KANSL1L: variants seen among roughly 807,000 people sequenced by gnomAD.
KANSL1L encodes KAT8 regulatory NSL complex subunit 1 like, also known as KAT8 regulatory NSL complex subunit 1-like protein.
KANSL1L carries 25 observed loss-of-function variants against 108.6 expected under a neutral mutation model. That is an observed-to-expected ratio of 0.23 (90% CI 0.17 to 0.32). KANSL1L has a LOEUF of 0.32. KANSL1L is among the 10% of genes least tolerant of loss of function. The pLI is 1.00. For synonymous variants in KANSL1L, 405 were observed against 395.1 expected, an observed-to-expected ratio of 1.03 and a Z score of -0.30; for missense variants, 1,137 against 1,125.7, an observed-to-expected ratio of 1.01 and a Z score of -0.14.
At chr2:210,083,914 A>G (rs960515950) in intron 5 of KANSL1L, among the ~76,000 whole-genome samples, 6 of 152,004 alleles carry the variant, frequency 3.9e-5, no homozygotes, top group Non-Finnish European at 7.4e-5. Context: ...CCAATTGGCA[A>G]AAGTAAATAC....
intron 5 of KANSL1L, among the ~76,000 whole-genome samples, 167 bp from the exon 6 acceptor site, chr2:210,075,923 G>A (rs765036963): frequency 2.4e-4 from 36 of 152,096 alleles, no homozygotes; most frequent in Non-Finnish European, 3.8e-4. Flanking sequence ...TTGTATTAAC[G>A]GGAAATTACA....
At chr2:210,037,279 T>C (rs2094116416) in intron 8 of KANSL1L, among the ~76,000 whole-genome samples, 1 of 152,180 alleles carries the variant, frequency 6.6e-6, no homozygotes, top group Non-Finnish European at 1.5e-5. Context: ...ATTCCGTGAT[T>C]AGAAACAATG....
In KANSL1L at chr2:210,054,702, GAAGTTCTAGCCACAGC is replaced by G. The variant is rs1226030089; in HGVS notation, c.1756-10614_1756-10599del. ...GGTACTGATATTCAACATTGCACTAGAAGTTCTAGCCACAGCAATTAGGCAAGAAAAAGAAATAAAA... is the reference window on the plus strand; with the variant it reads ...GGTACTGATATTCAACATTGCACTAGAATTAGGCAAGAAAAAGAAATAAAA... On this transcript the variant is annotated intron_variant, in intron 6 of 14. Transcript: ENST00000281772. Among the ~76,000 whole-genome samples, 3 of 150,880 alleles carry G rather than the reference GAAGTTCTAGCCACAGC, an allele frequency of 2.0e-5. No individual in the cohort carries two copies. In the Admixed American group the frequency reaches 2.0e-4, roughly 10 times the overall value.
rs144118807 is a variant in KANSL1L at position 210,148,413 on chromosome 2, T to C, written c.1088+5082A>G. 1.2e-3 allele frequency among the ~76,000 whole-genome samples: 179 copies of C among 152,294 alleles called. 1 individual carries two copies. The highest frequency in any genetic ancestry group is 0.011 in the East Asian group (59 of 5,186). On this transcript the variant is annotated intron_variant, in intron 2 of 14. Transcript: ENST00000281772. ...ACTGTAGCCAACTTTTGTCAGCGAC[T>C]CACCCACATCCCCTCACATTTAACC...
intron 6 of KANSL1L, among the ~76,000 whole-genome samples, chr2:210,052,175 T>A (rs2094300709): frequency 6.6e-6 from 1 of 152,082 alleles, no homozygotes; most frequent in Non-Finnish European, 1.5e-5. Context: ...GGATCATTTT[T>A]AAATTTTCTG....
intron 6 of KANSL1L, among the ~76,000 whole-genome samples, chr2:210,059,137 C>CAAA (rs71043969): frequency 2.1e-4 from 15 of 71,826 alleles, no homozygotes; most frequent in African/African-American, 3.6e-4. Flanking sequence ...GACTCCGTCT[C>CAAA]AAAAAAAAAA....
chr2:210,169,534 G>A (rs532461558), intron 1 of KANSL1L, among the ~76,000 whole-genome samples: 3 of 152,082 alleles, frequency 2.0e-5, no homozygotes, highest in African/African-American at 7.2e-5. Flanking sequence ...ATAATAATAA[G>A]ATTTAACAAA....
At chr2:210,079,694 A>ATG (rs1407036569) in intron 5 of KANSL1L, 1,041 of 15,644 alleles carry the variant, frequency 0.067, 53 homozygotes, top group Non-Finnish European at 0.082. Flanking sequence ...ATATATATGT[A>ATG]TGTGTGTATA....
chr2:210,095,248 T>C (rs1220629707), intron 5 of KANSL1L, among the ~76,000 whole-genome samples: 1 of 152,090 alleles, frequency 6.6e-6, no homozygotes, highest in Admixed American at 6.6e-5. Context: ...AAAAACAAAA[T>C]ATTTTCTGTG....
chr2:210,072,455 C>G (rs529815864), intron 6 of KANSL1L, among the ~76,000 whole-genome samples: 1 of 152,332 alleles, frequency 6.6e-6, no homozygotes, highest in African/African-American at 2.4e-5. Flanking sequence ...CACTTTAAGA[C>G]AGCAGTCCCC....
chr2:210,055,081 C>T (rs1311794147), intron 6 of KANSL1L, among the ~76,000 whole-genome samples: 2 of 152,140 alleles, frequency 1.3e-5, no homozygotes, highest in Non-Finnish European at 2.9e-5. Context: ...GGGAGGGACC[C>T]AGTGGGAGGT....
intron 5 of KANSL1L, chr2:210,097,376 T>C (rs551723908): frequency 2.6e-6 from 2 of 779,414 alleles, no homozygotes; most frequent in Non-Finnish European, 3.1e-6. Flanking sequence ...TAGTTCTCTA[T>C]GGTAATTAAA....
chr2:210,081,219 A>G (rs1243076579), intron 5 of KANSL1L, among the ~76,000 whole-genome samples: 1 of 152,106 alleles, frequency 6.6e-6, no homozygotes, highest in Non-Finnish European at 1.5e-5. Context: ...TAAAGTCTCT[A>G]TATTAATTCT....
At chr2:210,048,016 TA>T (rs1184657423) in intron 6 of KANSL1L, among the ~76,000 whole-genome samples, 1 of 152,184 alleles carries the variant, frequency 6.6e-6, no homozygotes, top group African/African-American at 2.4e-5. Context: ...CCTCTAATCT[TA>T]AGAGTATACT....
At chr2:210,129,548 A>G (rs2125542714) in intron 2 of KANSL1L, among the ~76,000 whole-genome samples, 1 of 152,336 alleles carries the variant, frequency 6.6e-6, no homozygotes, top group South Asian at 2.1e-4. Flanking sequence ...GTAGATGTCA[A>G]GTACCAGACA....
chr2:210,171,452 G>A (rs1455168653), upstream of KANSL1L: 1 of 155,852 alleles, frequency 6.4e-6, no homozygotes, highest in Non-Finnish European at 1.4e-5. Context: ...TGGCAACGGG[G>A]GAGGGGCAGC....
At chr2:210,164,125 GTCA>G (rs1485817863) in intron 1 of KANSL1L, among the ~76,000 whole-genome samples, 1 of 152,070 alleles carries the variant, frequency 6.6e-6, no homozygotes, top group Non-Finnish European at 1.5e-5. Flanking sequence ...TAAATTTAAT[GTCA>G]TCATATATAT....
chr2:210,049,951 T>C (rs1363144952), intron 6 of KANSL1L, among the ~76,000 whole-genome samples: 1 of 152,216 alleles, frequency 6.6e-6, no homozygotes, highest in Non-Finnish European at 1.5e-5. Context: ...ATCCTCTAAA[T>C]CTACCAGTTT....
intron 6 of KANSL1L, among the ~76,000 whole-genome samples, chr2:210,049,582 G>A (rs2094266060): frequency 2.0e-5 from 3 of 152,032 alleles, no homozygotes; most frequent in Admixed American, 2.0e-4. Context: ...GGGCAACATA[G>A]TGAGACCCTA....
Sources: allele counts gnomAD v4.1 joint callset (sites outside exome capture counted in the v4.1 genomes callset), GRCh38; gene constraint gnomAD v4.1.1; transcripts MANE v1.5; gene names NCBI Gene and HGNC (gene_info 2026-07-23, HGNC 2026-07-21).